NLRC3: variants seen among roughly 807,000 people sequenced by gnomAD.
NLRC3 encodes the protein NLR family CARD domain-containing protein 3.
In NLRC3, 87 loss-of-function variants were observed where a neutral mutation model predicts 91.6. The ratio of observed to expected loss-of-function variants is 0.95; its 90% CI spans 0.80 to 1.14. NLRC3 has a LOEUF of 1.14. Among genes scored for constraint, NLRC3 ranks in the 50% most tolerant of loss-of-function variants. The pLI is 0.00. For synonymous variants in NLRC3, 694 were observed against 625.3 expected, an observed-to-expected ratio of 1.11 and a Z score of -1.64; for missense variants, 1,577 against 1,418.6, an observed-to-expected ratio of 1.11 and a Z score of -1.79.
intron 10 of NLRC3, among the ~76,000 whole-genome samples, chr16:3,550,878 G>A (rs977525068): frequency 2.0e-5 from 3 of 152,050 alleles, no homozygotes; most frequent in African/African-American, 7.3e-5. Flanking sequence ...CATTCTCCTC[G>A]GTTAGTGCTT....
chr16:3,575,077 T>C (rs1190045300), intron 1 of NLRC3, among the ~76,000 whole-genome samples: 1 of 152,246 alleles, frequency 6.6e-6, no homozygotes, highest in African/African-American at 2.4e-5. Context: ...AGAAATGGAT[T>C]ATTTGAAATT....
intron 1 of NLRC3, among the ~76,000 whole-genome samples, chr16:3,568,512 C>T (rs1227920317): frequency 3.9e-5 from 6 of 152,084 alleles, no homozygotes; most frequent in Non-Finnish European, 5.9e-5. Flanking sequence ...TCACTTGAGC[C>T]CAGGAGTTTG....
Position 3,564,072 on chromosome 16 carries a change from A to G in NLRC3, c.865T>C (p.Phe289Leu). 1.2e-6 allele frequency: 2 copies of G among 1,613,376 alleles called. No homozygotes were observed. Among genetic ancestry groups the G allele is most frequent in the Non-Finnish European group, 1.7e-6 (2 of 1,179,894 alleles). ...LVDRMTEIRG[F>L]NEEEIKVCLE... The stretch of plus-strand genomic sequence containing the variant: ...CACACCTTGATCTCCTCCTCGTTAA[A>G]GCCCCGGATCTCCGTCATCCGGTCC... Residue 289 changes from phenylalanine (F) to leucine (L), a missense_variant, in exon 5 of 20, where the codon TTT becomes CTT. Physicochemically the swap from Phe to Leu is conservative, Grantham distance 22. Coordinates refer to ENST00000359128, the MANE Select transcript of NLRC3 (RefSeq NM_178844.4). This position sits in a 1 kb window ranked among gnomAD's most constrained non-coding sequence, Gnocchi z 5.9.
rs532141173 is a variant in NLRC3 at position 3,561,912 on chromosome 16, G to A, written c.1929-124C>T. 2.4e-5 allele frequency: 17 copies of A among 699,496 alleles called. No individual in the cohort carries two copies. The African/African-American group carries it at 2.5e-4, about 10-fold the overall frequency. 43.3% of individuals were successfully genotyped at this position (699,496 alleles called of 1,614,324 possible). On this transcript the variant is annotated intron_variant, in intron 5 of 19. Transcript: ENST00000359128. ...CTATCACCGCAGCTCTGAGATCTGC[G>A]CTCAGCCCCAGTGCTCAGACCTTTC... is the stretch of plus-strand genomic sequence containing the variant.
At chr16:3,557,040 G>T in intron 7 of NLRC3, 46 bp from the exon 8 acceptor site, 1 of 1,338,524 alleles carries the variant, frequency 7.5e-7, no homozygotes, top group Non-Finnish European at 1.1e-6. Flanking sequence ...GTCTCCCAGA[G>T]AGGGAAGGGG....
At chr16:3,550,789 T>C (rs2038951620) in intron 10 of NLRC3, among the ~76,000 whole-genome samples, 1 of 152,198 alleles carries the variant, frequency 6.6e-6, no homozygotes, top group South Asian at 2.1e-4. Context: ...CAGGAAATGT[T>C]TTCTTCTGCC....
intron 16 of NLRC3, chr16:3,543,861 A>G (rs1320843392): frequency 1.1e-5 from 4 of 348,870 alleles, no homozygotes; most frequent in Admixed American, 4.1e-5. Context: ...TGTAAACAAA[A>G]ATAACGTCCA....
rs574031713 is a variant in NLRC3 at position 3,577,372 on chromosome 16, C to T, written c.-392G>A. Reference sequence around the variant, plus strand: ...AGTGCAGCCCCGACCTTCTGCAGCCCCACCGAGCCCACCGGCTGTCCCTGT... The same window carrying T: ...AGTGCAGCCCCGACCTTCTGCAGCCTCACCGAGCCCACCGGCTGTCCCTGT... On this transcript the variant is annotated 5_prime_UTR_variant, in exon 1 of 20. Transcript: ENST00000359128. 82 of 577,652 alleles carry T rather than the reference C, an allele frequency of 1.4e-4. No homozygotes were observed. Among genetic ancestry groups the T allele is most frequent in the Non-Finnish European group, 2.5e-4 (81 of 325,132 alleles). 35.8% of individuals were successfully genotyped at this position (577,652 alleles called of 1,614,324 possible). A position where few individuals can be genotyped will look rare whatever the true frequency, so the allele number is the denominator to read the frequency against.
At chr16:3,561,023 TAATTA>T (rs1296334582) in intron 6 of NLRC3, among the ~76,000 whole-genome samples, 3 of 152,142 alleles carry the variant, frequency 2.0e-5, no homozygotes, top group East Asian at 3.9e-4. Context: ...AATTAAATTT[TAATTA>T]AATTAAATTT....
chr16:3,549,017 G>T, intron 13 of NLRC3, 125 bp downstream of exon 13: 2 of 777,838 alleles, frequency 2.6e-6, no homozygotes, highest in Non-Finnish European at 2.2e-6. Flanking sequence ...TCTCCTGGCT[G>T]CACCCTCCCC....
At chr16:3,569,752 C>A (rs963493023) in intron 1 of NLRC3, among the ~76,000 whole-genome samples, 3 of 152,092 alleles carry the variant, frequency 2.0e-5, no homozygotes, top group Admixed American at 6.6e-5. Context: ...AGGCCTACCC[C>A]TTCCTTGGAG....
intron 1 of NLRC3, among the ~76,000 whole-genome samples, chr16:3,570,475 T>C (rs1474969796): frequency 6.6e-6 from 1 of 152,100 alleles, no homozygotes; most frequent in Admixed American, 6.5e-5. Flanking sequence ...TAAGGGATAA[T>C]GGCAATGGAA....
At chr16:3,558,976 T>G (rs2039482385) in intron 6 of NLRC3, among the ~76,000 whole-genome samples, 1 of 152,170 alleles carries the variant, frequency 6.6e-6, no homozygotes, top group Non-Finnish European at 1.5e-5. Flanking sequence ...TTTACTTTGT[T>G]GCCGAGGCTG....
chr16:3,543,463 C>G lies in NLRC3; in HGVS notation c.2901G>C (p.Gly967=). The G allele has an allele frequency of 6.2e-7, 1 of 1,613,270 alleles. No homozygotes were observed. Among genetic ancestry groups the G allele is most frequent in the Non-Finnish European group, 8.5e-7 (1 of 1,179,610 alleles). ...SIGASGAQVL[G]EALAVNRTLE... ...AGGTTCTGTTCACAGCCAAGGCTTC[C>G]CCTAGCACCTGGGCGCCTGAAGCAC... Residue 967 remains glycine, a synonymous_variant, in exon 17 of 20, where the codon GGG becomes GGC. Transcript: ENST00000359128.
At position 3,539,306 on chromosome 16, in the gene NLRC3, A is replaced by C. The variant is rs1221447338; in HGVS notation, c.*2519T>G. On this transcript the variant is annotated 3_prime_UTR_variant, in exon 20 of 20. Coordinates refer to ENST00000359128, the MANE Select transcript of NLRC3 (RefSeq NM_178844.4). ...TAATTGGAAGGGAGCTAAAGGGTCT[A>C]CCTCCTACCTAGAAGTCCTTTCTAT... is the stretch of plus-strand genomic sequence containing the variant. 6.6e-6 allele frequency: 1 copy of C among 152,248 alleles called. No homozygotes were observed. The highest frequency in any genetic ancestry group is 2.1e-4 in the South Asian group (1 of 4,822). The allele number at this position is 152,248 out of a possible 1,614,324, so 9.4% of individuals were successfully genotyped here. A position where few individuals can be genotyped will look rare whatever the true frequency, so the allele number is the denominator to read the frequency against.
chr16:3,557,950 CA>C (rs2039426626), intron 6 of NLRC3, among the ~76,000 whole-genome samples: 1 of 152,216 alleles, frequency 6.6e-6, no homozygotes, highest in Non-Finnish European at 1.5e-5. Context: ...AGCTTCTACA[CA>C]AACAGCACAG....
chr16:3,549,429 C>T (rs878922186), intron 12 of NLRC3, among the ~76,000 whole-genome samples: 10 of 152,244 alleles, frequency 6.6e-5, no homozygotes, highest in South Asian at 2.1e-4. Flanking sequence ...TAGGACCATC[C>T]GCAGTACAGG....
At position 3,563,395 on chromosome 16, in the gene NLRC3, C is replaced by A; in HGVS notation, c.1542G>T (p.Leu514=). The A allele has an allele frequency of 6.3e-7, 1 of 1,580,168 alleles. No homozygotes were observed. The highest frequency in any genetic ancestry group is 8.6e-7 in the Non-Finnish European group (1 of 1,163,726). Residue 514 remains leucine (L), a synonymous_variant, in exon 5 of 20, where the codon CTG becomes CTT. Coordinates refer to ENST00000359128, the MANE Select transcript of NLRC3 (RefSeq NM_178844.4). ...QAEDGRLDVF[L]RFLSGLLSPR... is the part of the protein sequence containing the mutation. ...GAGACAAGAGGCCGGAGAGGAAGCG[C>A]AGGAACACGTCCAGCCTCCCGTCCT...
intron 8 of NLRC3, among the ~76,000 whole-genome samples, chr16:3,555,115 A>G (rs2039234501): frequency 6.6e-6 from 1 of 151,934 alleles, no homozygotes; most frequent in Non-Finnish European, 1.5e-5. Flanking sequence ...CTGTAATCCC[A>G]GCTACTCGGG....
Sources: gnomAD v4.1 joint callset for allele counts (sites outside exome capture counted in the v4.1 genomes callset) on GRCh38, gnomAD v4.1.1 for gene constraint, Gnocchi (gnomAD v3.1) non-coding constraint, MANE v1.5 for transcripts, NCBI Gene and HGNC (gene_info 2026-07-23, HGNC 2026-07-21) for gene names.